Variants in CACNA1B observed in about 807,000 individuals in gnomAD.
CACNA1B encodes voltage-dependent N-type calcium channel subunit alpha-1B.
Under a neutral mutation model 247.2 loss-of-function variants are expected in CACNA1B, and 70 were observed. The ratio of observed to expected loss-of-function variants is 0.28; its 90% confidence interval spans 0.23 to 0.35. The LOEUF (loss-of-function observed/expected upper bound fraction) is 0.35. CACNA1B is among the 10% of genes least tolerant of loss of function. The pLI is 1.00. For missense variants in CACNA1B, 2,367 were observed against 3,197.4 expected, an observed-to-expected ratio of 0.74 and a Z score of 6.26; for synonymous variants, 1,231 against 1,294.4, an observed-to-expected ratio of 0.95 and a Z score of 1.05.
At position 137,955,726 on chromosome 9, in the gene CACNA1B, G is replaced by T. The variant is rs1554738116; in HGVS notation, c.1099G>T (p.Glu367Ter). The T allele has an allele frequency of 6.2e-7, 1 of 1,612,782 alleles. No individual in the cohort carries two copies. Among genetic ancestry groups the T allele is most frequent in the South Asian group, 1.1e-5 (1 of 90,748 alleles). ...GTTTGCCAAGGAGCGAGAGAGGGTG[G>T]AGAACCGCCGCGCCTTCCTGAAGCT... is the stretch of plus-strand genomic sequence containing the variant. Reference protein sequence around the residue: ...GEFAKERERVENRRAFLKLRR... With the variant: ...GEFAKERERV The change falls in exon 8 of 47, where the codon GAG becomes TAG. Residue 367 changes from glutamate to a stop codon, truncating the protein, a stop_gained. Transcript: ENST00000371372. LOFTEE classifies it high-confidence loss of function. The surrounding 1 kb of genome is among the most constrained non-coding windows in gnomAD (Gnocchi z 6.9).
chr9:138,000,973 A>G (rs1428324140), intron 15 of CACNA1B, among the ~76,000 whole-genome samples: 1 of 152,140 alleles, frequency 6.6e-6, no homozygotes, highest in Admixed American at 6.5e-5. Flanking sequence ...TGTCTCCTTA[A>G]AAATATGCTT....
chr9:137,895,194 C>G (rs1169989027), intron 3 of CACNA1B, among the ~76,000 whole-genome samples: 1 of 152,140 alleles, frequency 6.6e-6, no homozygotes, highest in Non-Finnish European at 1.5e-5. Flanking sequence ...TTATTCCGTT[C>G]CATTGATCTG....
At position 137,986,380 on chromosome 9, in the gene CACNA1B, G is replaced by C. The variant is rs536805192; in HGVS notation, c.1770-33G>C. On this transcript the variant is annotated intron_variant, in intron 13 of 46. Transcript: ENST00000371372. This position sits in a 1 kb window ranked among gnomAD's most constrained non-coding sequence, Gnocchi z 6.0. ...GCCATGAATGTGAAGTCAGCGTCTG[G>C]AGCTGGCTCAGACCCCCTGCCTGGC... is the stretch of plus-strand genomic sequence containing the variant. The C allele has an allele frequency of 2.6e-5, 42 of 1,611,556 alleles. No individual in the cohort carries two copies. In the African/African-American group the frequency reaches 4.7e-4, roughly 18 times the overall value.
intron 31 of CACNA1B, among the ~76,000 whole-genome samples, chr9:138,069,201 C>G (rs561151089): frequency 6.6e-6 from 1 of 152,300 alleles, no homozygotes; most frequent in East Asian, 1.9e-4. Context: ...CATTTGGAGC[C>G]ACTTCATATG....
intron 6 of CACNA1B, among the ~76,000 whole-genome samples, chr9:137,940,163 AG>A (rs1957716819): frequency 6.6e-6 from 1 of 152,228 alleles, no homozygotes; most frequent in African/African-American, 2.4e-5. Flanking sequence ...TAAAATTGGT[AG>A]CCCATTAGCA....
Position 138,010,858 on chromosome 9 carries a change from G to A in CACNA1B, c.2160+781G>A, listed in dbSNP as rs1231252372. On this transcript the variant is annotated intron_variant, in intron 17 of 46. Coordinates refer to ENST00000371372, the MANE Select transcript of CACNA1B (RefSeq NM_000718.4). The surrounding 1 kb of genome is among the most constrained non-coding windows in gnomAD (Gnocchi z 5.3). ...TGTCTCTCCATGCCTTCCCTGTTCC[G>A]GGGCTGAGAGAGGCAGGTTCAGGAT... Among the ~76,000 whole-genome samples the A allele has an allele frequency of 6.6e-6, 1 of 152,140 alleles. No homozygotes were observed. The highest frequency in any genetic ancestry group is 1.9e-4 in the East Asian group (1 of 5,192).
In CACNA1B at chr9:137,899,817, C is replaced by T. The variant is rs1957211733; in HGVS notation, c.531-13363C>T. ...TGGACTGGGCCTGACTGGCACCTGA[C>T]CCACCTGCCCCGGCCCAGGGACCCC... On this transcript the variant is annotated intron_variant, in intron 3 of 46. Transcript: ENST00000371372. This position sits in a 1 kb window ranked among gnomAD's most constrained non-coding sequence, Gnocchi z 5.0. 6.6e-6 allele frequency among the ~76,000 whole-genome samples: 1 copy of T among 152,160 alleles called. No homozygotes were observed. The highest frequency in any genetic ancestry group is 2.4e-5 in the African/African-American group (1 of 41,420).
chr9:138,109,241 A>G (rs941629994), intron 39 of CACNA1B, among the ~76,000 whole-genome samples: 2 of 152,368 alleles, frequency 1.3e-5, no homozygotes, highest in Admixed American at 1.3e-4. Flanking sequence ...AATGGAGAAA[A>G]GATCATCTTT....
intron 21 of CACNA1B, 145 bp downstream of exon 21, chr9:138,044,045 G>A (rs557936016): frequency 1.1e-5 from 12 of 1,128,862 alleles, no homozygotes; most frequent in East Asian, 2.4e-5. Flanking sequence ...CCAGAGGCAC[G>A]TGCCCGTGTG....
intron 44 of CACNA1B, 135 bp from the exon 45 acceptor site, chr9:138,120,030 G>T: frequency 1.4e-6 from 1 of 739,666 alleles, no homozygotes; most frequent in East Asian, 2.7e-5. Flanking sequence ...TCAGGCCTGG[G>T]TCCTTCTGAC....
chr9:137,994,176 T>G (rs1287048733), intron 15 of CACNA1B, among the ~76,000 whole-genome samples: 5 of 152,076 alleles, frequency 3.3e-5, no homozygotes, highest in African/African-American at 1.2e-4. Flanking sequence ...CTCAGCAAAA[T>G]CAGCATACAC....
At chr9:138,066,296 A>G (rs73669856) in intron 31 of CACNA1B, among the ~76,000 whole-genome samples, 5,013 of 152,340 alleles carry the variant, frequency 0.033, 273 homozygotes, top group African/African-American at 0.11. Flanking sequence ...AAGAGACCCA[A>G]GAGGGCGGGG....
In CACNA1B at chr9:137,966,176, C is replaced by T. The variant is rs527519713; in HGVS notation, c.1334-5207C>T. ...CCTTTCATTTCCAGCTCTTCTTTAT[C>T]ATTTTAAGTGTTCTTGTAAATTGTA... On this transcript the variant is annotated intron_variant, in intron 10 of 46. Transcript: ENST00000371372. Among the ~76,000 whole-genome samples, 4 of 151,514 alleles carry T rather than the reference C, an allele frequency of 2.6e-5. No homozygotes were observed. In the East Asian group the frequency reaches 5.8e-4, roughly 22 times the overall value.
intron 6 of CACNA1B, among the ~76,000 whole-genome samples, chr9:137,924,564 C>T (rs1319177309): frequency 6.6e-6 from 1 of 152,086 alleles, no homozygotes; most frequent in Non-Finnish European, 1.5e-5. Flanking sequence ...ATTGTAGTTA[C>T]CTATATGTTT....
In CACNA1B at chr9:137,949,319, G is replaced by A. The variant is rs200843151; in HGVS notation, c.967-2955G>A. On this transcript the variant is annotated intron_variant, in intron 6 of 46. Coordinates refer to ENST00000371372, the MANE Select transcript of CACNA1B (RefSeq NM_000718.4). ...TTTGTGTCTGGTGTGTGTGGTGTAC[G>A]TATGGTGTGCGTGTAGGTGTGTAGT... Among the ~76,000 whole-genome samples the A allele has an allele frequency of 4.1e-4, 42 of 103,158 alleles. 2 individuals carry two copies. The highest frequency in any genetic ancestry group is 9.9e-4 in the East Asian group (3 of 3,020). The allele number at this position is 103,158 out of a possible 152,430, so 67.7% of individuals were successfully genotyped here. A position where few individuals can be genotyped will look rare whatever the true frequency, so the allele number is the denominator to read the frequency against.
At chr9:138,085,963 A>G (rs557720365) in intron 36 of CACNA1B, among the ~76,000 whole-genome samples, 1 of 151,280 alleles carries the variant, frequency 6.6e-6, no homozygotes, top group East Asian at 2.0e-4. Flanking sequence ...AAAATATAAA[A>G]CTCGCTGGTA....
chr9:137,909,036 G>C (rs1163973315), intron 3 of CACNA1B, among the ~76,000 whole-genome samples: 5 of 149,430 alleles, frequency 3.3e-5, no homozygotes, highest in Admixed American at 6.7e-5. Context: ...TGTTGCCCAG[G>C]CTGGAGTGCA....
At chr9:137,978,196 C>A (rs1448971296) in intron 12 of CACNA1B, among the ~76,000 whole-genome samples, 1 of 141,336 alleles carries the variant, frequency 7.1e-6, no homozygotes, top group African/African-American at 2.7e-5. Flanking sequence ...GCATTGCCCC[C>A]CCCCAGGAAA....
intron 38 of CACNA1B, among the ~76,000 whole-genome samples, chr9:138,103,946 C>T (rs1002848642): frequency 2.0e-5 from 3 of 152,246 alleles, no homozygotes; most frequent in Non-Finnish European, 4.4e-5. Context: ...CTGCATTGTG[C>T]CTGCCTGGGG....
Sources: gnomAD v4.1 joint callset for allele counts (sites outside exome capture counted in the v4.1 genomes callset) on GRCh38, gnomAD v4.1.1 for gene constraint, Gnocchi (gnomAD v3.1) non-coding constraint, MANE v1.5 for transcripts, NCBI Gene and HGNC (gene_info 2026-07-23, HGNC 2026-07-21) for gene names.